The following SIPA1L1 variants were observed in gnomAD, a reference collection of about 807,000 sequenced individuals.
The protein encoded by SIPA1L1 is signal-induced proliferation-associated 1-like protein 1.
A neutral mutation model predicts 162.7 loss-of-function variants in SIPA1L1; 26 were observed. That is an observed-to-expected ratio of 0.16 (90% CI 0.12 to 0.22). The LOEUF (loss-of-function observed/expected upper bound fraction) is 0.22. Among genes scored for constraint, SIPA1L1 ranks in the 10% least tolerant of loss-of-function variants. The probability of loss-of-function intolerance (pLI) is 1.00; values close to 1 mark genes in which losing one functional copy is unlikely to be tolerated. For missense variants in SIPA1L1, 1,874 were observed against 2,241.0 expected, an observed-to-expected ratio of 0.84 and a Z score of 3.31; for synonymous variants, 829 against 837.4, an observed-to-expected ratio of 0.99 and a Z score of 0.17.
rs147308345 is a variant in SIPA1L1, at chr14:71,447,423, A to G, written c.-464-65320A>G. Among the ~76,000 whole-genome samples the G allele has an allele frequency of 2.0e-5, 3 of 152,322 alleles. No homozygotes were observed. In the East Asian group the frequency reaches 5.8e-4, roughly 29 times the overall value. The stretch of plus-strand genomic sequence containing the variant: ...ACAGCTCACTTTAGGGTTGCCTTTT[A>G]AAATTGATGGCAGATGCTTCCTAAG... On this transcript the variant is annotated intron_variant, in intron 2 of 23. Transcript: ENST00000381232.
chr14:71,447,768 C>T (rs367560495), intron 2 of SIPA1L1, among the ~76,000 whole-genome samples: 24 of 151,846 alleles, frequency 1.6e-4, no homozygotes, highest in African/African-American at 5.8e-4. Context: ...GGGATTTTAC[C>T]ATGTTGCTCA....
At chr14:71,498,853 TTTTG>T (rs2049987406) in intron 2 of SIPA1L1, among the ~76,000 whole-genome samples, 1 of 152,166 alleles carries the variant, frequency 6.6e-6, no homozygotes, top group Non-Finnish European at 1.5e-5. Flanking sequence ...GAAGTAGGCT[TTTTG>T]TTTGTGCTGT....
intron 4 of SIPA1L1, among the ~76,000 whole-genome samples, chr14:71,535,189 C>A (rs1472984019): frequency 6.6e-6 from 1 of 152,176 alleles, no homozygotes; most frequent in Non-Finnish European, 1.5e-5. Flanking sequence ...AAGGGACTGG[C>A]TGGAGATGAT....
chr14:71,611,474 C>T (rs2038206412), intron 5 of SIPA1L1, among the ~76,000 whole-genome samples: 2 of 146,296 alleles, frequency 1.4e-5, no homozygotes, highest in Non-Finnish European at 2.9e-5. Context: ...GTACATGTGC[C>T]ATGGTGGTTT....
At chr14:71,578,045 G>A (rs1045060834) in intron 4 of SIPA1L1, among the ~76,000 whole-genome samples, 9 of 151,862 alleles carry the variant, frequency 5.9e-5, no homozygotes, top group African/African-American at 1.9e-4. Context: ...CAAGTACCTC[G>A]GATTACAGGC....
intron 2 of SIPA1L1, among the ~76,000 whole-genome samples, chr14:71,470,274 C>T (rs991055517): frequency 1.3e-5 from 2 of 152,138 alleles, no homozygotes; most frequent in Admixed American, 1.3e-4. Flanking sequence ...GATCCTGATA[C>T]GGACACGTTT....
chr14:71,670,824 T>C (rs2044440499), intron 10 of SIPA1L1, among the ~76,000 whole-genome samples: 1 of 152,176 alleles, frequency 6.6e-6, no homozygotes, highest in Admixed American at 6.5e-5. Flanking sequence ...CTATTTTTTT[T>C]CATGGAGTTT....
chr14:71,360,498 C>T (rs934857807), intron 2 of SIPA1L1, among the ~76,000 whole-genome samples: 1 of 152,228 alleles, frequency 6.6e-6, no homozygotes, highest in South Asian at 2.1e-4. Flanking sequence ...CAATAGGAGA[C>T]GAATGTACAA....
At chr14:71,609,318 G>C (rs1299676892) in intron 5 of SIPA1L1, among the ~76,000 whole-genome samples, 1 of 152,106 alleles carries the variant, frequency 6.6e-6, no homozygotes, top group Non-Finnish European at 1.5e-5. Context: ...ACCCAGGCTG[G>C]AGTGTAGTGG....
chr14:71,642,538 T>C (rs1283885528), intron 7 of SIPA1L1, among the ~76,000 whole-genome samples: 2 of 152,192 alleles, frequency 1.3e-5, no homozygotes, highest in East Asian at 3.8e-4. Flanking sequence ...ACCAAGAGTT[T>C]AAAAGCAAGA....
chr14:71,656,003 G>A (rs2043026383), intron 8 of SIPA1L1, among the ~76,000 whole-genome samples: 1 of 152,068 alleles, frequency 6.6e-6, no homozygotes, highest in Admixed American at 6.6e-5. Context: ...TCTATGAAGT[G>A]CATAGTAATT....
chr14:71,418,055 TA>T (rs2042934587), intron 2 of SIPA1L1: 1 of 152,246 alleles, frequency 6.6e-6, no homozygotes, highest in South Asian at 2.1e-4. Context: ...TCGTATTTAC[TA>T]ATGCTGTTGT....
intron 5 of SIPA1L1, among the ~76,000 whole-genome samples, chr14:71,592,099 T>A (rs551711111): frequency 6.6e-6 from 1 of 152,350 alleles, no homozygotes; most frequent in South Asian, 2.1e-4. Context: ...ACTAGACTGC[T>A]AGTGCCATTG....
At chr14:71,575,866 GGCTCTTCAAGAGAGA>G (rs2032939838) in intron 4 of SIPA1L1, among the ~76,000 whole-genome samples, 1 of 152,146 alleles carries the variant, frequency 6.6e-6, no homozygotes, top group Admixed American at 6.5e-5. Flanking sequence ...CTGTTGTGAA[GGCTCTTCAAGAGAGA>G]AAGATGAAGC....
intron 22 of SIPA1L1, among the ~76,000 whole-genome samples, chr14:71,737,287 A>G (rs1344592929): frequency 2.0e-5 from 3 of 152,176 alleles, no homozygotes. Flanking sequence ...AGTAAAGAAT[A>G]CCTTTTACTC....
At chr14:71,414,552 G>A (rs1023492001) in intron 2 of SIPA1L1, among the ~76,000 whole-genome samples, 3 of 152,232 alleles carry the variant, frequency 2.0e-5, no homozygotes, top group African/African-American at 7.2e-5. Context: ...TGAATTCATT[G>A]TTGTCATCTT....
intron 11 of SIPA1L1, among the ~76,000 whole-genome samples, chr14:71,671,938 TGTGTGC>T (rs1464315033): frequency 2.8e-5 from 4 of 141,946 alleles, no homozygotes; most frequent in East Asian, 2.1e-4. Context: ...TGTGTGTGTG[TGTGTGC>T]GTTCATGTTC....
intron 5 of SIPA1L1, among the ~76,000 whole-genome samples, chr14:71,603,785 C>T (rs539556105): frequency 8.6e-5 from 13 of 151,492 alleles, no homozygotes; most frequent in South Asian, 6.3e-4. Context: ...CAGCCAGGCA[C>T]GTGCGTGTAA....
intron 12 of SIPA1L1, among the ~76,000 whole-genome samples, chr14:71,678,352 G>T (rs565118279): frequency 2.0e-5 from 3 of 152,076 alleles, no homozygotes; most frequent in Admixed American, 6.6e-5. Context: ...TAGCATGAAG[G>T]GCTGTTGAAT....
Sources: allele counts gnomAD v4.1 joint callset (sites outside exome capture counted in the v4.1 genomes callset), GRCh38; gene constraint gnomAD v4.1.1; transcripts MANE v1.5; gene names NCBI Gene and HGNC (gene_info 2026-07-23, HGNC 2026-07-21).